PKD2: variants seen among roughly 807,000 people sequenced by gnomAD.
PKD2 encodes polycystin 2, transient receptor potential cation channel, also known as polycystin-2.
A neutral mutation model predicts 105.9 loss-of-function variants in PKD2; 48 were observed. That is an observed-to-expected ratio of 0.45 (90% confidence interval 0.36 to 0.58). The LOEUF is 0.58. PKD2 is among the 20% of genes least tolerant of loss of function. The probability of loss-of-function intolerance (pLI) is 0.00; values close to 1 mark genes in which losing one functional copy is unlikely to be tolerated. For missense variants in PKD2, 1,078 were observed against 1,255.3 expected (o/e 0.86, Z 2.13); for synonymous variants, 464 against 481.1 (o/e 0.96, Z 0.46).
rs1720855480 is a variant in PKD2, at chr4:88,067,916, C to T, written c.2377C>T (p.His793Tyr). The T allele has an allele frequency of 6.2e-7, 1 of 1,613,934 alleles. No individual in the cohort carries two copies. Residue 793 changes from histidine (H) to tyrosine (Y), a missense_variant, in exon 13 of 15, where the codon CAC (histidine) becomes TAC (tyrosine). His to Tyr is a moderately conservative substitution (Grantham distance 83). This residue lies in a region of PKD2 where 868 missense variants were observed against 1,067.3 expected (regional missense o/e 0.81). Transcript: ENST00000237596. The part of the protein sequence containing the change: ...EKEREDLDLD[H>Y]SSLPRPMSSR... ...TCTTCAGGAGGACCTGGATTTGGAT[C>T]ACAGTTCTTTACCACGTCCCATGAG...
At chr4:88,026,377 A>G (rs1156710405) in intron 2 of PKD2, among the ~76,000 whole-genome samples, 1 of 152,184 alleles carries the variant, frequency 6.6e-6, no homozygotes, top group Non-Finnish European at 1.5e-5. Flanking sequence ...TGAACTTGAG[A>G]GACATGATTT....
chr4:88,068,363 G>C (rs891778269), intron 13 of PKD2, among the ~76,000 whole-genome samples: 1 of 152,082 alleles, frequency 6.6e-6, no homozygotes, highest in Admixed American at 6.5e-5. Flanking sequence ...CTAGCTACTT[G>C]GGAGGCTGAG....
intron 8 of PKD2, among the ~76,000 whole-genome samples, chr4:88,057,558 C>G (rs1289893555): frequency 6.6e-6 from 1 of 151,710 alleles, no homozygotes; most frequent in Non-Finnish European, 1.5e-5. Flanking sequence ...GCCTCAGCCT[C>G]CCGAATAGCT....
At chr4:88,036,039 A>G in intron 2 of PKD2, 181 bp from the exon 3 acceptor site, 1 of 851,074 alleles carries the variant, frequency 1.2e-6, no homozygotes, top group South Asian at 1.5e-5. Flanking sequence ...TTTATAAGCC[A>G]GAGATATAGA....
intron 1 of PKD2, among the ~76,000 whole-genome samples, chr4:88,012,114 C>T (rs562930106): frequency 6.6e-6 from 1 of 152,296 alleles, no homozygotes; most frequent in South Asian, 2.1e-4. Context: ...GAAACCCTGC[C>T]CTAGACTGTT....
chr4:88,017,708 C>T (rs1726606412), intron 1 of PKD2, among the ~76,000 whole-genome samples: 1 of 152,324 alleles, frequency 6.6e-6, no homozygotes, highest in South Asian at 2.1e-4. Flanking sequence ...CTGCACCCAG[C>T]CTAGCTTGAA....
chr4:88,061,235 G>A (rs1720559170), intron 9 of PKD2, among the ~76,000 whole-genome samples: 1 of 152,152 alleles, frequency 6.6e-6, no homozygotes, highest in African/African-American at 2.4e-5. Flanking sequence ...CCCTTCAGTA[G>A]TGTATGTAAA....
Position 88,067,927 on chromosome 4 carries a change from A to G in PKD2, c.2388A>G (p.Leu796=), listed in dbSNP as rs535577967. 2.3e-5 allele frequency: 37 copies of G among 1,614,026 alleles called. No homozygotes were observed. The South Asian group carries it at 3.8e-4, about 17-fold the overall frequency. The change falls in exon 13 of 15, where the codon TTA becomes TTG. Residue 796 remains leucine, a synonymous_variant. Coordinates refer to ENST00000237596, the MANE Select transcript of PKD2 (RefSeq NM_000297.4). ...ACCTGGATTTGGATCACAGTTCTTT[A>G]CCACGTCCCATGAGCAGCCGAAGTT... is the stretch of plus-strand genomic sequence containing the variant. ...REDLDLDHSS[L]PRPMSSRSFP... is the part of the protein sequence containing the mutation.
At chr4:88,051,847 G>A (rs2110121868) in intron 6 of PKD2, 144 bp from the exon 7 acceptor site, 1 of 599,486 alleles carries the variant, frequency 1.7e-6, no homozygotes, top group Admixed American at 3.0e-5. Flanking sequence ...ATTTGAGTGA[G>A]TGACTTTTAA....
intron 1 of PKD2, among the ~76,000 whole-genome samples, chr4:88,009,475 A>T (rs1726312843): frequency 7.1e-6 from 1 of 141,736 alleles, no homozygotes; most frequent in African/African-American, 2.8e-5. Context: ...ATCCTCTCTG[A>T]TACCCAATTT....
At chr4:88,060,096 C>G (rs960361651) in intron 9 of PKD2, among the ~76,000 whole-genome samples, 1 of 152,156 alleles carries the variant, frequency 6.6e-6, no homozygotes, top group African/African-American at 2.4e-5. Context: ...TTCTCAAGCA[C>G]TTTCTATTTT....
intron 8 of PKD2, among the ~76,000 whole-genome samples, chr4:88,057,306 T>A (rs542868473): frequency 1.3e-5 from 2 of 152,128 alleles, no homozygotes; most frequent in South Asian, 2.1e-4. Flanking sequence ...GTTTTTTTTT[T>A]AAAGAAATTT....
At chr4:88,027,064 G>A (rs1345377128) in intron 2 of PKD2, among the ~76,000 whole-genome samples, 1 of 152,244 alleles carries the variant, frequency 6.6e-6, no homozygotes, top group African/African-American at 2.4e-5. Context: ...ATGCAGGGGG[G>A]AAATGTGGGG....
rs757140290 is a variant in PKD2, at chr4:88,038,226, T to G, written c.844-25T>G. The G allele has an allele frequency of 1.4e-5, 23 of 1,613,654 alleles. No homozygotes were observed. The highest frequency in any genetic ancestry group is 1.8e-5 in the Non-Finnish European group (21 of 1,179,722). On this transcript the variant is annotated intron_variant, in intron 3 of 14. Coordinates refer to ENST00000237596, the MANE Select transcript of PKD2 (RefSeq NM_000297.4). ...GACAGCGGCTGAGCTTGGAACTTTT[T>G]CAGAGATGTTTCCTTTGCTTTTAGT...
chr4:88,015,315 G>A (rs986318832), intron 1 of PKD2, among the ~76,000 whole-genome samples: 1 of 152,152 alleles, frequency 6.6e-6, no homozygotes, highest in Admixed American at 6.5e-5. Context: ...AATGAACTAG[G>A]ATTGGCATTG....
At position 88,036,234 on chromosome 4, in the gene PKD2, A is replaced by G. The variant is rs748163182; in HGVS notation, c.724A>G (p.Met242Val). The G allele has an allele frequency of 1.1e-5, 18 of 1,613,596 alleles. No homozygotes were observed. The highest frequency in any genetic ancestry group is 4.0e-5 in the African/African-American group (3 of 74,884). ...IVLCILTYGM[M>V]SSNVYYYTRM... ...CTGTGTTCCAGTGACCTACGGCATGATGAGCTCCAATGTGTACTACTACAC... is the reference window on the plus strand; with the variant it reads ...CTGTGTTCCAGTGACCTACGGCATGGTGAGCTCCAATGTGTACTACTACAC... The change falls in exon 3 of 15, where the codon ATG becomes GTG. Residue 242 changes from methionine to valine, a missense_variant. Around this residue, in one of 2 missense-constraint regions of PKD2, gnomAD observed 868 missense variants for 1,067.3 expected, o/e 0.81. Coordinates refer to ENST00000237596, the MANE Select transcript of PKD2 (RefSeq NM_000297.4).
chr4:88,047,374 T>C (rs928868104), intron 6 of PKD2, among the ~76,000 whole-genome samples: 1 of 151,288 alleles, frequency 6.6e-6, no homozygotes, highest in African/African-American at 2.4e-5. Context: ...CAGGGTAACA[T>C]AGTGAGACCC....
At chr4:88,067,142 C>A (rs1720823519) in intron 12 of PKD2, among the ~76,000 whole-genome samples, 1 of 152,198 alleles carries the variant, frequency 6.6e-6, no homozygotes, top group African/African-American at 2.4e-5. Context: ...AAACCTAAAA[C>A]TTCTTGAGCA....
At chr4:88,032,114 A>G (rs1390412480) in intron 2 of PKD2, among the ~76,000 whole-genome samples, 1 of 151,900 alleles carries the variant, frequency 6.6e-6, no homozygotes, top group Non-Finnish European at 1.5e-5. Flanking sequence ...TCAAATTTCT[A>G]TTATTTAGTA....
Sources: gnomAD v4.1 joint callset for allele counts (sites outside exome capture counted in the v4.1 genomes callset) on GRCh38, gnomAD v4.1.1 for gene constraint, gnomAD v4.1.1 regional missense constraint, MANE v1.5 for transcripts, NCBI Gene and HGNC (gene_info 2026-07-23, HGNC 2026-07-21) for gene names.